Variants in GALNT13 observed in about 807,000 individuals in gnomAD.
The protein encoded by GALNT13 is UDP-GalNAc:polypeptide N-acetylgalactosaminyltransferase 13.
Under a neutral mutation model 64.2 loss-of-function variants are expected in GALNT13, and 28 were observed. The observed-to-expected ratio is 0.44, with a 90% CI of 0.32 to 0.60. The LOEUF (loss-of-function observed/expected upper bound fraction) is 0.60, where lower values mean the gene tolerates loss of function less well. Among genes scored for constraint, GALNT13 ranks in the 20% least tolerant of loss-of-function variants. GALNT13 has a pLI of 0.05. For synonymous variants in GALNT13, 214 were observed against 224.6 expected, an observed-to-expected ratio of 0.95 and a Z score of 0.42; for missense variants, 577 against 669.8, an observed-to-expected ratio of 0.86 and a Z score of 1.53.
At chr2:153,585,490 A>C in the GALNT13 span, among the ~76,000 whole-genome samples, 1 of 152,230 alleles carries the variant, frequency 6.6e-6, no homozygotes, top group Non-Finnish European at 1.5e-5. Flanking sequence ...AGAGGTTAAA[A>C]GGTTTAGAAA....
chr2:153,716,234 T>A, the GALNT13 span, among the ~76,000 whole-genome samples: 5 of 152,222 alleles, frequency 3.3e-5, no homozygotes, highest in East Asian at 1.9e-4. Context: ...ATATCTCAGA[T>A]CCTTGCCAGC....
At chr2:153,125,945 AAAG>A in the GALNT13 span, among the ~76,000 whole-genome samples, 1 of 152,142 alleles carries the variant, frequency 6.6e-6, no homozygotes, top group Non-Finnish European at 1.5e-5. Flanking sequence ...GGTGGAGAAA[AAAG>A]AAAAAATTAA....
chr2:153,578,350 T>A, the GALNT13 span, among the ~76,000 whole-genome samples: 1 of 152,204 alleles, frequency 6.6e-6, no homozygotes, highest in African/African-American at 2.4e-5. Context: ...AGCTATAGCA[T>A]CAACATATTT....
chr2:153,284,894 A>T, the GALNT13 span, among the ~76,000 whole-genome samples: 90 of 152,204 alleles, frequency 5.9e-4, no homozygotes, highest in Middle Eastern at 3.4e-3. Flanking sequence ...TCCACTGTCC[A>T]ATAATAAACA....
At chr2:153,933,483 G>A (rs1018754195) in intron 2 of GALNT13, among the ~76,000 whole-genome samples, 1 of 152,084 alleles carries the variant, frequency 6.6e-6, no homozygotes, top group African/African-American at 2.4e-5. Flanking sequence ...TTCTCCTGAA[G>A]TCAGCATATG....
chr2:153,242,019 C>T, the GALNT13 span, among the ~76,000 whole-genome samples: 1 of 151,990 alleles, frequency 6.6e-6, no homozygotes, highest in Non-Finnish European at 1.5e-5. Context: ...GGATACTTGT[C>T]GTGGTTTCAC....
chr2:154,456,405 T>TA (rs1381605845), downstream of GALNT13, among the ~76,000 whole-genome samples: 1 of 152,122 alleles, frequency 6.6e-6, no homozygotes, highest in Middle Eastern at 3.2e-3. Flanking sequence ...TTTGTAGAGT[T>TA]AAAATATGCC....
chr2:153,855,399 A>C, the GALNT13 span, among the ~76,000 whole-genome samples: 1 of 152,160 alleles, frequency 6.6e-6, no homozygotes, highest in African/African-American at 2.4e-5. Context: ...ACAAGGAAAA[A>C]ACAAAACAAC....
At chr2:153,528,257 C>A in the GALNT13 span, among the ~76,000 whole-genome samples, 142 of 151,184 alleles carry the variant, frequency 9.4e-4, no homozygotes, top group Middle Eastern at 6.8e-3. Context: ...CAATGGAAGC[C>A]AAAAAAGAGT....
intron 3 of GALNT13, among the ~76,000 whole-genome samples, chr2:153,992,831 T>C (rs944943306): frequency 6.6e-6 from 1 of 152,208 alleles, no homozygotes; most frequent in Admixed American, 6.5e-5. Flanking sequence ...CTGCTCTAAG[T>C]GCTGCCTCAT....
chr2:153,598,167 C>T, the GALNT13 span, among the ~76,000 whole-genome samples: 1 of 152,084 alleles, frequency 6.6e-6, no homozygotes. Flanking sequence ...CTTCCTATTG[C>T]ACTTTGCATA....
the GALNT13 span, among the ~76,000 whole-genome samples, chr2:153,840,276 A>G: frequency 6.6e-6 from 1 of 152,126 alleles, no homozygotes; most frequent in Non-Finnish European, 1.5e-5. Flanking sequence ...TTATGTTCCT[A>G]TAATCTTAAA....
At chr2:154,053,030 G>C (rs1045956709) in intron 3 of GALNT13, among the ~76,000 whole-genome samples, 1 of 152,034 alleles carries the variant, frequency 6.6e-6, no homozygotes, top group Non-Finnish European at 1.5e-5. Context: ...ATGAGCCACC[G>C]TGCCTGGCCA....
chr2:153,987,876 A>G (rs1334713730), intron 3 of GALNT13, among the ~76,000 whole-genome samples: 1 of 151,920 alleles, frequency 6.6e-6, no homozygotes, highest in East Asian at 1.9e-4. Context: ...TACTAAATTA[A>G]TAGTATTGAT....
chr2:153,346,125 A>C, the GALNT13 span, among the ~76,000 whole-genome samples: 1 of 152,000 alleles, frequency 6.6e-6, no homozygotes, highest in Admixed American at 6.6e-5. Flanking sequence ...GGGTTTTGCC[A>C]TGTTGCCCAG....
the GALNT13 span, among the ~76,000 whole-genome samples, chr2:153,612,691 C>T: frequency 0.019 from 2,919 of 151,788 alleles, 97 homozygotes; most frequent in African/African-American, 0.068. Context: ...TTGACATCTG[C>T]GAAATTAAGT....
chr2:154,432,909 T>C (rs1700772936), intron 11 of GALNT13, among the ~76,000 whole-genome samples: 1 of 152,090 alleles, frequency 6.6e-6, no homozygotes, highest in South Asian at 2.1e-4. Context: ...TATCAGAATA[T>C]GAAGAAGATT....
rs565721709 is a variant in GALNT13, at chr2:154,428,874, C to T, written c.1396-9718C>T. Among the ~76,000 whole-genome samples the T allele has an allele frequency of 5.9e-5, 9 of 152,020 alleles. No homozygotes were observed. The East Asian group carries it at 1.7e-3, about 29-fold the overall frequency. On this transcript the variant is annotated intron_variant, in intron 11 of 12. Transcript: ENST00000392825. Reference sequence around the variant, plus strand: ...TCTGCTCACTGCAAGCTCCGCCTCCCGGGTTCATGCCATTCTCCTGCCTCA... The same window carrying T: ...TCTGCTCACTGCAAGCTCCGCCTCCTGGGTTCATGCCATTCTCCTGCCTCA...
chr2:153,766,221 C>T, the GALNT13 span, among the ~76,000 whole-genome samples: 3 of 151,692 alleles, frequency 2.0e-5, no homozygotes, highest in African/African-American at 7.3e-5. Flanking sequence ...CTGAACCATT[C>T]TCTTATAGCC....
Sources: allele counts gnomAD v4.1 joint callset (sites outside exome capture counted in the v4.1 genomes callset), GRCh38; gene constraint gnomAD v4.1.1; transcripts MANE v1.5; gene names NCBI Gene and HGNC (gene_info 2026-07-23, HGNC 2026-07-21).